Variants in STPG4 observed in about 807,000 individuals in gnomAD.
STPG4 encodes the protein protein STPG4.
A neutral mutation model predicts 31.5 loss-of-function variants in STPG4; 41 were observed. The ratio of observed to expected loss-of-function variants is 1.30; its 90% confidence interval spans 1.01 to 1.69. STPG4 has a LOEUF of 1.69. Ranked by LOEUF, STPG4 falls within the 40% of genes most tolerant of loss-of-function variation. The probability of loss-of-function intolerance (pLI) is 0.00; values close to 1 mark genes in which losing one functional copy is unlikely to be tolerated. For missense variants in STPG4, 375 were observed against 293.4 expected (o/e 1.28, Z -2.03); for synonymous variants, 141 against 103.0 (o/e 1.37, Z -2.24).
chr2:47,101,799 C>T (rs554942107), intron 5 of STPG4, among the ~76,000 whole-genome samples: 1 of 152,028 alleles, frequency 6.6e-6, no homozygotes, highest in Admixed American at 6.5e-5. Context: ...AAAGGTGTCA[C>T]TCTTCCAACC....
intron 5 of STPG4, among the ~76,000 whole-genome samples, chr2:47,096,632 T>A (rs534137816): frequency 1.3e-5 from 2 of 152,352 alleles, no homozygotes; most frequent in Admixed American, 1.3e-4. Context: ...GGTTAGGGAC[T>A]GCTGCTGGGT....
intron 3 of STPG4, among the ~76,000 whole-genome samples, chr2:47,149,039 C>A (rs1173666885): frequency 6.6e-6 from 1 of 152,124 alleles, no homozygotes; most frequent in Non-Finnish European, 1.5e-5. Flanking sequence ...ATTCTGAGTT[C>A]TGCTATTAAA....
intron 5 of STPG4, among the ~76,000 whole-genome samples, chr2:47,102,709 G>T (rs1008671373): frequency 4.6e-5 from 7 of 151,160 alleles, no homozygotes; most frequent in Admixed American, 6.6e-5. Context: ...AGTAAGCAAA[G>T]AAATCTCCAA....
chr2:47,129,625 T>C (rs1686432976), intron 5 of STPG4: 2 of 263,868 alleles, frequency 7.6e-6, no homozygotes, highest in Non-Finnish European at 1.4e-5. Flanking sequence ...GGGCAGATTC[T>C]CTCTTCATGC....
chr2:47,148,751 G>C (rs887268417), intron 3 of STPG4, among the ~76,000 whole-genome samples: 1 of 152,008 alleles, frequency 6.6e-6, no homozygotes, highest in Non-Finnish European at 1.5e-5. Context: ...TCATTGTTCA[G>C]TTCCCACCTA....
intron 5 of STPG4, among the ~76,000 whole-genome samples, chr2:47,115,651 G>GTT (rs1558678003): frequency 0.035 from 3,156 of 90,356 alleles, 163 homozygotes; most frequent in African/African-American, 0.11. Context: ...CACATTAAAG[G>GTT]CTTTTTTTTT....
At chr2:47,096,140 C>T (rs376917369) in intron 5 of STPG4, among the ~76,000 whole-genome samples, 11 of 152,298 alleles carry the variant, frequency 7.2e-5, no homozygotes, top group African/African-American at 2.2e-4. Context: ...ACCAAGTAGG[C>T]GTGGATTTCC....
intron 3 of STPG4, among the ~76,000 whole-genome samples, chr2:47,148,182 A>C (rs986914938): frequency 3.3e-5 from 5 of 152,196 alleles, no homozygotes; most frequent in African/African-American, 1.2e-4. Context: ...CCTGGCCTCA[A>C]GTGATCCACC....
At position 47,090,359 on chromosome 2, in the gene STPG4, G is replaced by C. The variant is rs1285150331; in HGVS notation, c.535C>G (p.Pro179Ala). 3.2e-6 allele frequency: 5 copies of C among 1,551,032 alleles called. No homozygotes were observed. The highest frequency in any genetic ancestry group is 4.4e-6 in the Non-Finnish European group (5 of 1,146,174). The change falls in exon 6 of 7, where the codon CCA becomes GCA. Residue 179 changes from proline to alanine, a missense_variant. Pro to Ala is a conservative substitution (Grantham distance 27). Coordinates refer to ENST00000445927, the MANE Select transcript of STPG4 (RefSeq NM_001163561.2). Reference sequence around the variant, plus strand: ...GGCATTTTCACATTATAATGACCTGGACCAGGGCCTTCATGCTATTGAACA... The same window carrying C: ...GGCATTTTCACATTATAATGACCTGCACCAGGGCCTTCATGCTATTGAACA... ...TYFIPHEGPG[P>A]GHYNVKMPPT...
intron 5 of STPG4, among the ~76,000 whole-genome samples, chr2:47,121,844 C>T (rs887577713): frequency 2.2e-5 from 2 of 92,600 alleles, no homozygotes; most frequent in African/African-American, 8.8e-5. Flanking sequence ...ATTGCCCTCT[C>T]CTCGTGTGTG....
intron 3 of STPG4, among the ~76,000 whole-genome samples, chr2:47,135,629 C>T (rs1686581553): frequency 6.6e-6 from 1 of 152,200 alleles, no homozygotes; most frequent in Non-Finnish European, 1.5e-5. Context: ...TCAAGTGATC[C>T]ATCTGCCTCG....
At chr2:47,111,746 C>G (rs1385368187) in intron 5 of STPG4, among the ~76,000 whole-genome samples, 2 of 152,268 alleles carry the variant, frequency 1.3e-5, no homozygotes, top group East Asian at 3.9e-4. Flanking sequence ...CATGTAGATA[C>G]TCTCCTCACA....
At position 47,087,118 on chromosome 2, in the gene STPG4, G is replaced by C; in HGVS notation, c.637C>G (p.Pro213Ala). Reference sequence around the variant, plus strand: ...TGTCTTAAAGTTGTATATGCTCCTGGGCCTGGGGTTTTCTGAAAACAGAGC... The same window carrying C: ...TGTCTTAAAGTTGTATATGCTCCTGCGCCTGGGGTTTTCTGAAAACAGAGC... ...FLPSCSKTPG[P>A]GAYTTLRQFP... Residue 213 changes from proline to alanine, a missense_variant, in exon 7 of 7, where the codon CCA becomes GCA. Transcript: ENST00000445927. 6.4e-7 allele frequency: 1 copy of C among 1,551,746 alleles called. No individual in the cohort carries two copies. The highest frequency in any genetic ancestry group is 1.7e-4 in the Middle Eastern group (1 of 5,992).
chr2:47,125,080 T>C (rs985344794), intron 5 of STPG4, among the ~76,000 whole-genome samples: 3 of 152,240 alleles, frequency 2.0e-5, no homozygotes, highest in African/African-American at 7.2e-5. Flanking sequence ...TTTTGAGAAA[T>C]GTCTATTCAG....
intron 5 of STPG4, among the ~76,000 whole-genome samples, chr2:47,094,612 T>A (rs377387608): frequency 6.6e-6 from 1 of 152,010 alleles, no homozygotes; most frequent in South Asian, 2.1e-4. Flanking sequence ...CACAAAAGAA[T>A]AAACGGAGAT....
chr2:47,130,336 T>C, intron 3 of STPG4, 76 bp from the exon 4 acceptor site: 1 of 1,158,304 alleles, frequency 8.6e-7, no homozygotes, highest in Non-Finnish European at 1.3e-6. Flanking sequence ...ATTCGTAATC[T>C]TTTATTTTAT....
chr2:47,106,754 C>A (rs1685919955), intron 5 of STPG4, among the ~76,000 whole-genome samples: 1 of 151,974 alleles, frequency 6.6e-6, no homozygotes, highest in Non-Finnish European at 1.5e-5. Flanking sequence ...CGGAGTTGGG[C>A]AACATGGCTT....
chr2:47,091,867 T>C (rs1368578489), intron 5 of STPG4, among the ~76,000 whole-genome samples: 1 of 151,936 alleles, frequency 6.6e-6, no homozygotes, highest in Non-Finnish European at 1.5e-5. Context: ...TGTAACATTG[T>C]TTCCAAAAGT....
At chr2:47,095,995 T>C (rs149092604) in intron 5 of STPG4, among the ~76,000 whole-genome samples, 7 of 152,192 alleles carry the variant, frequency 4.6e-5, no homozygotes, top group African/African-American at 1.7e-4. Context: ...AGGAGTCTGA[T>C]GCAGTAGAGT....
Sources: allele counts gnomAD v4.1 joint callset (sites outside exome capture counted in the v4.1 genomes callset), GRCh38; gene constraint gnomAD v4.1.1; transcripts MANE v1.5; gene names NCBI Gene and HGNC (gene_info 2026-07-23, HGNC 2026-07-21).